CACNA1D: variants seen among roughly 807,000 people sequenced by gnomAD.
CACNA1D encodes the protein voltage-dependent L-type calcium channel subunit alpha-1D.
In CACNA1D, 55 loss-of-function variants were observed where a neutral mutation model predicts 257.1. That is an observed-to-expected ratio of 0.21 (90% CI 0.17 to 0.27). The LOEUF (loss-of-function observed/expected upper bound fraction) is 0.27. Among genes scored for constraint, CACNA1D ranks in the 10% least tolerant of loss-of-function variants. CACNA1D has a pLI of 1.00. For missense variants in CACNA1D, 1,876 were observed against 2,784.0 expected (o/e 0.67, Z 7.34); for synonymous variants, 980 against 1,014.9 (o/e 0.97, Z 0.65).
chr3:53,779,301 C>G (rs1278399684), intron 37 of CACNA1D, among the ~76,000 whole-genome samples: 1 of 152,090 alleles, frequency 6.6e-6, no homozygotes, highest in Non-Finnish European at 1.5e-5. Context: ...ATGACTAAAC[C>G]TTTGATCTTT....
intron 3 of CACNA1D, among the ~76,000 whole-genome samples, chr3:53,577,554 C>A (rs2093059097): frequency 6.6e-6 from 1 of 152,068 alleles, no homozygotes; most frequent in Non-Finnish European, 1.5e-5. Context: ...CTGTTGCGGC[C>A]AAGGGAGGAG....
intron 3 of CACNA1D, among the ~76,000 whole-genome samples, chr3:53,505,114 T>TG (rs2090773510): frequency 7.8e-6 from 1 of 128,366 alleles, no homozygotes; most frequent in Non-Finnish European, 1.6e-5. Flanking sequence ...TTTGTTTATT[T>TG]GTTTTTTTTT....
chr3:53,747,319 A>G lies in CACNA1D; in HGVS notation c.3185A>G (p.Tyr1062Cys). Residue 1062 changes from tyrosine (Y) to cysteine (C), a missense_variant, in exon 26 of 48, where the codon TAC becomes TGC. This residue lies in a region of CACNA1D where 271 missense variants were observed against 425.5 expected (regional missense o/e 0.64). Coordinates refer to ENST00000350061, the MANE Select transcript of CACNA1D (RefSeq NM_001128840.3). ...PEECRGLFILYKDGDVDSPVV... is the reference protein window; with the variant it reads ...PEECRGLFILCKDGDVDSPVV... ...CTCTCCAGGGGACTTTTCATCCTCT[A>G]CAAGGATGGGGATGTTGACAGTCCT... The G allele has an allele frequency of 1.2e-6, 2 of 1,613,698 alleles. No individual in the cohort carries two copies. Among genetic ancestry groups the G allele is most frequent in the Non-Finnish European group, 8.5e-7 (1 of 1,179,582 alleles).
At chr3:53,501,757 T>G (rs764813486) in intron 3 of CACNA1D, 37 bp downstream of exon 3, 2 of 1,158,214 alleles carry the variant, frequency 1.7e-6, no homozygotes, top group Non-Finnish European at 2.6e-6. Flanking sequence ...TCCTGGTATA[T>G]GGTTATCATT....
rs1415785191 is a variant in CACNA1D, at chr3:53,673,790, T to C, written c.1220+664T>C. 3 of 1,613,500 alleles carry C rather than the reference T, an allele frequency of 1.9e-6. No homozygotes were observed. The South Asian group carries it at 3.3e-5, about 18-fold the overall frequency. ...TCATCCTTGGCTCATTTTTCGTCCT[T>C]AACCTGGTTCTTGGTGTCCTTAGTG... is the stretch of plus-strand genomic sequence containing the variant. On this transcript the variant is annotated intron_variant, in intron 8 of 47. Coordinates refer to ENST00000350061, the MANE Select transcript of CACNA1D (RefSeq NM_001128840.3). This position sits in a 1 kb window ranked among gnomAD's most constrained non-coding sequence, Gnocchi z 4.1.
intron 8 of CACNA1D, among the ~76,000 whole-genome samples, chr3:53,674,945 G>T (rs956683537): frequency 2.6e-5 from 4 of 152,198 alleles, no homozygotes; most frequent in Non-Finnish European, 4.4e-5. Context: ...TCGGGGAAGT[G>T]ATGTCTTCAT....
intron 3 of CACNA1D, among the ~76,000 whole-genome samples, chr3:53,507,801 G>A (rs1378914579): frequency 6.6e-6 from 1 of 152,076 alleles, no homozygotes; most frequent in Non-Finnish European, 1.5e-5. Context: ...CTACCTTAGG[G>A]TGAGGATATT....
intron 3 of CACNA1D, among the ~76,000 whole-genome samples, chr3:53,570,547 G>T (rs809394): frequency 0.83 from 126,710 of 152,218 alleles, 52,813 homozygotes; most frequent in African/African-American, 0.85. Context: ...AACGTCAACG[G>T]AGCTATATTC....
In CACNA1D at chr3:53,787,197, C is replaced by T. The variant is rs537043662; in HGVS notation, c.4923+245C>T. 3.9e-5 allele frequency among the ~76,000 whole-genome samples: 6 copies of T among 152,250 alleles called. No homozygotes were observed. In the South Asian group the frequency reaches 8.3e-4, roughly 21 times the overall value. ...TACCCACGCGGCAGGGCTGCCAGGACGGAGAGGAGCGAGCGCTACCCTCGC... is the reference window on the plus strand; with the variant it reads ...TACCCACGCGGCAGGGCTGCCAGGATGGAGAGGAGCGAGCGCTACCCTCGC... On this transcript the variant is annotated intron_variant, in intron 40 of 47. Coordinates refer to ENST00000350061, the MANE Select transcript of CACNA1D (RefSeq NM_001128840.3).
Position 53,800,539 on chromosome 3 carries a change from C to T in CACNA1D, c.5040+174C>T. The T allele has an allele frequency of 7.1e-6, 5 of 699,772 alleles. No individual in the cohort carries two copies. In the South Asian group the frequency reaches 7.4e-5, roughly 10 times the overall value. The allele number at this position is 699,772 out of a possible 1,614,324, so 43.3% of individuals were successfully genotyped here. A position where few individuals can be genotyped will look rare whatever the true frequency, so the allele number is the denominator to read the frequency against. On this transcript the variant is annotated intron_variant, in intron 41 of 47. Coordinates refer to ENST00000350061, the MANE Select transcript of CACNA1D (RefSeq NM_001128840.3). The surrounding 1 kb of genome is among the most constrained non-coding windows in gnomAD (Gnocchi z 4.3). ...CTTACAGACCCTCCCCAGGCATCAGCACCTCTTCTAGGGCCAGGCCAGCTC... is the reference window on the plus strand; with the variant it reads ...CTTACAGACCCTCCCCAGGCATCAGTACCTCTTCTAGGGCCAGGCCAGCTC...
intron 8 of CACNA1D, among the ~76,000 whole-genome samples, chr3:53,692,452 A>T (rs2094537175): frequency 6.6e-6 from 1 of 152,096 alleles, no homozygotes; most frequent in Admixed American, 6.5e-5. Context: ...GAACTTTAGG[A>T]TGTCTAGAGT....
chr3:53,519,433 C>T (rs17053128), intron 3 of CACNA1D, among the ~76,000 whole-genome samples: 4,117 of 152,178 alleles, frequency 0.027, 189 homozygotes, highest in African/African-American at 0.092. Flanking sequence ...CTGTGCGAGA[C>T]GACAAAGACT....
rs911448168 is a variant in CACNA1D at position 53,804,898 on chromosome 3, G to A, written c.5586-85G>A. On this transcript the variant is annotated intron_variant, in intron 44 of 47. Transcript: ENST00000350061. ...TACTGTGTCCAAGGGAGGAGGCGGGGAGAGGAGTATGGATGTCAGTCTGGC... is the reference window on the plus strand; with the variant it reads ...TACTGTGTCCAAGGGAGGAGGCGGGAAGAGGAGTATGGATGTCAGTCTGGC... 8 of 1,255,244 alleles carry A rather than the reference G, an allele frequency of 6.4e-6. No individual in the cohort carries two copies. In the African/African-American group the frequency reaches 7.4e-5, roughly 12 times the overall value. The allele number at this position is 1,255,244 out of a possible 1,614,324, so 77.8% of individuals were successfully genotyped here.
intron 43 of CACNA1D, 58 bp downstream of exon 43, chr3:53,802,231 CCTCT>C (rs2095539897): frequency 7.6e-6 from 10 of 1,318,726 alleles, no homozygotes; most frequent in Middle Eastern, 1.8e-4. Flanking sequence ...TACCAGCTGG[CCTCT>C]CTGAGTGCTG....
intron 3 of CACNA1D, among the ~76,000 whole-genome samples, chr3:53,611,028 G>GT (rs2093576850): frequency 6.6e-6 from 1 of 152,194 alleles, no homozygotes; most frequent in South Asian, 2.1e-4. Context: ...TGGATTGACA[G>GT]TTTTTCTTGC....
intron 3 of CACNA1D, among the ~76,000 whole-genome samples, chr3:53,520,909 CT>C (rs2091547051): frequency 1.0e-5 from 1 of 96,394 alleles, no homozygotes; most frequent in Admixed American, 1.0e-4. Context: ...CTTTTCTTTT[CT>C]TTTCTTTTTC....
Position 53,776,890 on chromosome 3 carries a change from T to A in CACNA1D, c.4521T>A (p.Thr1507=). Reference sequence around the variant, plus strand: ...GGATAAAACACCTTGATGTGGTCACTCTGCTTCGACGCATCCAGCCTCCCC... The same window carrying A: ...GGATAAAACACCTTGATGTGGTCACACTGCTTCGACGCATCCAGCCTCCCC... The part of the protein sequence containing the change: ...KGRIKHLDVV[T]LLRRIQPPLG... Residue 1507 remains threonine, a synonymous_variant, in exon 37 of 48, where the codon ACT becomes ACA. Coordinates refer to ENST00000350061, the MANE Select transcript of CACNA1D (RefSeq NM_001128840.3). 1.9e-6 allele frequency: 3 copies of A among 1,614,206 alleles called. No homozygotes were observed. Among genetic ancestry groups the A allele is most frequent in the Non-Finnish European group, 2.5e-6 (3 of 1,180,014 alleles).
chr3:53,615,588 A>T (rs944544291), intron 3 of CACNA1D, among the ~76,000 whole-genome samples: 10 of 152,200 alleles, frequency 6.6e-5, no homozygotes, highest in Non-Finnish European at 1.3e-4. Flanking sequence ...AGTGGGCTTA[A>T]AGTTGCTGAG....
chr3:53,574,940 C>T (rs374385491), intron 3 of CACNA1D, among the ~76,000 whole-genome samples: 1 of 152,208 alleles, frequency 6.6e-6, no homozygotes, highest in Admixed American at 6.5e-5. Flanking sequence ...CTGGATTCCT[C>T]GATGACGTTG....
Sources: allele counts gnomAD v4.1 joint callset (sites outside exome capture counted in the v4.1 genomes callset), GRCh38; gene constraint gnomAD v4.1.1; regional missense constraint gnomAD v4.1.1; non-coding constraint Gnocchi (gnomAD v3.1); transcripts MANE v1.5; gene names NCBI Gene and HGNC (gene_info 2026-07-23, HGNC 2026-07-21).